SGCD: variants seen among roughly 807,000 people sequenced by gnomAD.
SGCD encodes delta-sarcoglycan.
Under a neutral mutation model 36.6 loss-of-function variants are expected in SGCD, and 18 were observed. The observed-to-expected ratio is 0.49, with a 90% CI of 0.34 to 0.73. The LOEUF (loss-of-function observed/expected upper bound fraction) is 0.73. Among genes scored for constraint, SGCD ranks in the 30% least tolerant of loss-of-function variants. The pLI is 0.01. For missense variants in SGCD, 387 were observed against 346.7 expected (o/e 1.12, Z -0.92); for synonymous variants, 133 against 130.6 (o/e 1.02, Z -0.12).
At chr5:156,000,562 C>T (rs1758642837) in intron 1 of SGCD, among the ~76,000 whole-genome samples, 1 of 152,048 alleles carries the variant, frequency 6.6e-6, no homozygotes, top group Non-Finnish European at 1.5e-5. Flanking sequence ...AAAATATCCC[C>T]ATTGATGTCA....
At chr5:155,772,086 G>A in the SGCD span, among the ~76,000 whole-genome samples, 1 of 152,126 alleles carries the variant, frequency 6.6e-6, no homozygotes, top group African/African-American at 2.4e-5. Flanking sequence ...TTAAGCTATG[G>A]GAAGTAGGGC....
chr5:156,625,845 C>T (rs1350974551), intron 6 of SGCD, among the ~76,000 whole-genome samples: 1 of 152,174 alleles, frequency 6.6e-6, no homozygotes, highest in African/African-American at 2.4e-5. Flanking sequence ...AAAGGAACTC[C>T]TGTTTCATGT....
intron 3 of SGCD, among the ~76,000 whole-genome samples, chr5:156,127,492 C>T (rs1450210939): frequency 1.3e-5 from 2 of 151,870 alleles, no homozygotes; most frequent in African/African-American, 2.4e-5. Flanking sequence ...TAGCATGTAC[C>T]TATAGTCCTA....
chr5:155,974,564 T>A (rs188301829), intron 1 of SGCD, among the ~76,000 whole-genome samples: 2 of 143,984 alleles, frequency 1.4e-5, no homozygotes, highest in East Asian at 2.4e-4. Context: ...GCAGTGACCA[T>A]GTAGTCAGCG....
intron 3 of SGCD, among the ~76,000 whole-genome samples, chr5:156,465,553 C>T (rs984972259): frequency 6.6e-5 from 10 of 152,284 alleles, no homozygotes; most frequent in Middle Eastern, 3.4e-3. Context: ...TCTCACTCCC[C>T]AGACCATTAG....
At chr5:155,804,718 G>C in the SGCD span, among the ~76,000 whole-genome samples, 3 of 152,198 alleles carry the variant, frequency 2.0e-5, no homozygotes, top group Admixed American at 6.5e-5. Flanking sequence ...TCTCTGCATG[G>C]ATCAACCGTG....
At chr5:156,086,321 G>T (rs1761089951) in intron 1 of SGCD, among the ~76,000 whole-genome samples, 1 of 152,096 alleles carries the variant, frequency 6.6e-6, no homozygotes, top group Non-Finnish European at 1.5e-5. Context: ...CCAAACCCAG[G>T]TTCTACTGTT....
chr5:155,791,681 C>T, the SGCD span, among the ~76,000 whole-genome samples: 2 of 151,922 alleles, frequency 1.3e-5, no homozygotes, highest in African/African-American at 4.8e-5. Flanking sequence ...AAATGAAATA[C>T]CTAGGAATAC....
chr5:156,386,802 T>C (rs540082920), intron 3 of SGCD, among the ~76,000 whole-genome samples: 4 of 152,344 alleles, frequency 2.6e-5, no homozygotes, highest in South Asian at 4.1e-4. Context: ...TGTCATTACA[T>C]TGAAATCAGC....
chr5:156,042,032 T>G (rs1397479218), intron 1 of SGCD, among the ~76,000 whole-genome samples: 3 of 152,158 alleles, frequency 2.0e-5, no homozygotes, highest in African/African-American at 7.2e-5. Flanking sequence ...TGTGGAGAAC[T>G]GAAGTGGAGC....
rs115310775 is a variant in SGCD at position 156,616,196 on chromosome 5, C to T, written c.502+21145C>T. On this transcript the variant is annotated intron_variant, in intron 6 of 8. Transcript: ENST00000337851. ...GCTGGTGAGCAGAAAAAGTGGTTAT[C>T]ATCCTAATATAAATACAACGATGGC... is the stretch of plus-strand genomic sequence containing the variant. Among the ~76,000 whole-genome samples, 327 of 152,284 alleles carry T rather than the reference C, an allele frequency of 2.1e-3. 2 individuals carry two copies. The highest frequency in any genetic ancestry group is 7.7e-3 in the African/African-American group (318 of 41,548).
intron 7 of SGCD, among the ~76,000 whole-genome samples, chr5:156,677,488 A>G (rs528681633): frequency 2.0e-5 from 3 of 152,070 alleles, no homozygotes; most frequent in South Asian, 4.2e-4. Context: ...GAATTGAACA[A>G]TGAGAACACT....
At chr5:156,134,227 C>T (rs1299955833) in intron 3 of SGCD, among the ~76,000 whole-genome samples, 2 of 152,136 alleles carry the variant, frequency 1.3e-5, no homozygotes, top group Admixed American at 1.3e-4. Flanking sequence ...GCATTTTCCT[C>T]ATATTTAGCC....
At chr5:156,589,084 A>T in intron 4 of SGCD, 147 bp from the exon 5 acceptor site, 1 of 601,224 alleles carries the variant, frequency 1.7e-6, no homozygotes, top group Non-Finnish European at 3.0e-6. Flanking sequence ...GTACATAGGG[A>T]TCTTTAAACA....
chr5:155,804,827 C>A, the SGCD span, among the ~76,000 whole-genome samples: 1 of 152,202 alleles, frequency 6.6e-6, no homozygotes, highest in Admixed American at 6.5e-5. Context: ...AAGATAACTT[C>A]ATTCATTTAC....
intron 1 of SGCD, among the ~76,000 whole-genome samples, chr5:156,086,265 T>G (rs966312584): frequency 2.0e-5 from 3 of 152,218 alleles, no homozygotes; most frequent in Non-Finnish European, 4.4e-5. Flanking sequence ...TGTCCTGCAT[T>G]TCTGCTCTTT....
chr5:156,733,459 C>A (rs1678762081), intron 7 of SGCD, among the ~76,000 whole-genome samples: 1 of 151,974 alleles, frequency 6.6e-6, no homozygotes, highest in Non-Finnish European at 1.5e-5. Context: ...TTTAGAGTAA[C>A]TGCCATGTGG....
chr5:156,005,428 T>G (rs1035773920), intron 1 of SGCD, among the ~76,000 whole-genome samples: 6 of 150,506 alleles, frequency 4.0e-5, no homozygotes, highest in African/African-American at 1.2e-4. Flanking sequence ...GTCTTCAGTT[T>G]TTGTTGTTGT....
At chr5:155,866,644 A>G (rs1243330511), upstream of SGCD, among the ~76,000 whole-genome samples, 6 of 152,180 alleles carry the variant, frequency 3.9e-5, no homozygotes, top group Non-Finnish European at 8.8e-5. Flanking sequence ...ACGAAGGGGC[A>G]CCTTCTGCCT....
Sources: allele counts gnomAD v4.1 joint callset (sites outside exome capture counted in the v4.1 genomes callset), GRCh38; gene constraint gnomAD v4.1.1; transcripts MANE v1.5; gene names NCBI Gene and HGNC (gene_info 2026-07-23, HGNC 2026-07-21).